Variants in BACH2 observed in about 807,000 individuals in gnomAD.
The protein encoded by BACH2 is transcription regulator protein BACH2.
BACH2 carries 5 observed loss-of-function variants against 61.8 expected under a neutral mutation model. That is an observed-to-expected ratio of 0.08 (90% CI 0.04 to 0.17). The LOEUF (loss-of-function observed/expected upper bound fraction) is 0.17, where lower values mean the gene tolerates loss of function less well. BACH2 is among the 10% of genes least tolerant of loss of function. The pLI is 1.00. For missense variants in BACH2, 824 were observed against 1,091.1 expected, an observed-to-expected ratio of 0.76 and a Z score of 3.45; for synonymous variants, 446 against 440.1, an observed-to-expected ratio of 1.01 and a Z score of -0.17.
chr6:89,970,866 C>T (rs1365777739), intron 6 of BACH2, among the ~76,000 whole-genome samples: 2 of 151,960 alleles, frequency 1.3e-5, no homozygotes, highest in African/African-American at 2.4e-5. Context: ...ATATCTGGGT[C>T]GCAGGGAAAG....
At chr6:89,987,992 A>G (rs1391802560) in intron 6 of BACH2, among the ~76,000 whole-genome samples, 2 of 152,206 alleles carry the variant, frequency 1.3e-5, no homozygotes, top group Non-Finnish European at 2.9e-5. Flanking sequence ...CAAGTCTCCT[A>G]TAAGTCTATG....
intron 1 of BACH2, among the ~76,000 whole-genome samples, chr6:90,275,637 G>C (rs1291653100): frequency 2.0e-5 from 3 of 148,944 alleles, no homozygotes; most frequent in Admixed American, 2.0e-4. Flanking sequence ...TTTTTTTTCT[G>C]CTCTTCCCCC....
chr6:90,037,933 C>T (rs1779342914), intron 5 of BACH2, among the ~76,000 whole-genome samples: 1 of 152,068 alleles, frequency 6.6e-6, no homozygotes, highest in African/African-American at 2.4e-5. Flanking sequence ...TGGCTACAAG[C>T]CAAGGAATGC....
At chr6:90,031,081 T>C (rs1375530419) in intron 5 of BACH2, among the ~76,000 whole-genome samples, 1 of 151,552 alleles carries the variant, frequency 6.6e-6, no homozygotes, top group Admixed American at 6.6e-5. Flanking sequence ...ATCCAACATA[T>C]AAACAGAACC....
chr6:90,237,245 T>C (rs2127862855), intron 3 of BACH2, among the ~76,000 whole-genome samples: 1 of 152,256 alleles, frequency 6.6e-6, no homozygotes. Flanking sequence ...TTTAGAAATC[T>C]GGGAGAGCTT....
At position 89,926,700 on chromosome 6, in the gene BACH2, C is replaced by G. The variant is rs1395454906; in HGVS notation, c.*5708G>C. The G allele has an allele frequency of 6.6e-6, 1 of 152,256 alleles. No individual in the cohort carries two copies. Among genetic ancestry groups the G allele is most frequent in the East Asian group, 1.9e-4 (1 of 5,330 alleles). 9.4% of individuals were successfully genotyped at this position (152,256 alleles called of 1,614,324 possible). A position where few individuals can be genotyped will look rare whatever the true frequency, so the allele number is the denominator to read the frequency against. ...TTAGTTCATAGCAATGCTTTTTTCC[C>G]CCAAAAGGTAAAAATTCTTAGTTAC... On this transcript the variant is annotated 3_prime_UTR_variant, in exon 9 of 9. Coordinates refer to ENST00000257749, the MANE Select transcript of BACH2 (RefSeq NM_021813.4).
At chr6:90,020,773 C>G (rs1778327949) in intron 5 of BACH2, among the ~76,000 whole-genome samples, 1 of 152,018 alleles carries the variant, frequency 6.6e-6, no homozygotes, top group Non-Finnish European at 1.5e-5. Context: ...TAATATTAAA[C>G]AACATTCCCC....
intron 4 of BACH2, among the ~76,000 whole-genome samples, chr6:90,108,715 T>C (rs1171349095): frequency 6.6e-6 from 1 of 152,222 alleles, no homozygotes; most frequent in Non-Finnish European, 1.5e-5. Context: ...ATCATTGCTC[T>C]AGACTTAAGA....
intron 3 of BACH2, among the ~76,000 whole-genome samples, chr6:90,249,930 G>A (rs886942931): frequency 1.3e-5 from 2 of 152,148 alleles, no homozygotes; most frequent in Non-Finnish European, 2.9e-5. Context: ...TATTTAATAG[G>A]TGGTAGGTTT....
chr6:90,108,988 A>G (rs967719166), intron 4 of BACH2, among the ~76,000 whole-genome samples: 13 of 151,774 alleles, frequency 8.6e-5, no homozygotes, highest in African/African-American at 3.1e-4. Flanking sequence ...TGGGACATCA[A>G]TTTCTCTCTC....
chr6:90,111,030 G>A (rs566672270), intron 4 of BACH2, among the ~76,000 whole-genome samples: 1 of 152,308 alleles, frequency 6.6e-6, no homozygotes, highest in South Asian at 2.1e-4. Flanking sequence ...AGAACTAGCA[G>A]TTTGGTACCA....
intron 5 of BACH2, among the ~76,000 whole-genome samples, chr6:90,054,718 C>T (rs563719623): frequency 2.0e-5 from 3 of 152,160 alleles, no homozygotes; most frequent in Admixed American, 6.5e-5. Flanking sequence ...CTGGGAGGCA[C>T]CCCCCAGTAG....
At chr6:89,988,263 T>A (rs931207830) in intron 6 of BACH2, among the ~76,000 whole-genome samples, 5 of 152,194 alleles carry the variant, frequency 3.3e-5, no homozygotes, top group Non-Finnish European at 7.4e-5. Context: ...TTTCATCACA[T>A]TTATACAGCA....
At chr6:90,250,735 C>T (rs1374278062) in intron 3 of BACH2, among the ~76,000 whole-genome samples, 1 of 151,982 alleles carries the variant, frequency 6.6e-6, no homozygotes, top group Non-Finnish European at 1.5e-5. Context: ...ATTTGTTACA[C>T]TACAATGTAA....
intron 4 of BACH2, among the ~76,000 whole-genome samples, chr6:90,111,987 G>A (rs1783192520): frequency 6.6e-6 from 1 of 152,216 alleles, no homozygotes; most frequent in African/African-American, 2.4e-5. Context: ...CACATGTAAG[G>A]TAAGGGAAAT....
chr6:90,140,052 C>T (rs1784412364), intron 4 of BACH2, among the ~76,000 whole-genome samples: 1 of 152,198 alleles, frequency 6.6e-6, no homozygotes, highest in Non-Finnish European at 1.5e-5. Flanking sequence ...TTCTAGGATA[C>T]AGTCCTCCTC....
At chr6:90,070,658 C>T (rs1781184040) in intron 5 of BACH2, among the ~76,000 whole-genome samples, 1 of 152,200 alleles carries the variant, frequency 6.6e-6, no homozygotes, top group Non-Finnish European at 1.5e-5. Flanking sequence ...CAATGACTCT[C>T]ATTCCAGTAG....
chr6:89,941,255 G>A (rs1380540982), intron 7 of BACH2, among the ~76,000 whole-genome samples: 2 of 152,178 alleles, frequency 1.3e-5, no homozygotes. Flanking sequence ...CGTGCACAAA[G>A]GCAAATGTAC....
chr6:89,978,270 G>A (rs552789693), intron 6 of BACH2, among the ~76,000 whole-genome samples: 26 of 152,162 alleles, frequency 1.7e-4, no homozygotes, highest in Admixed American at 1.4e-3. Flanking sequence ...ATTCCTCTGC[G>A]TCTGGAAAAC....
Sources: gnomAD v4.1 joint callset for allele counts (sites outside exome capture counted in the v4.1 genomes callset) on GRCh38, gnomAD v4.1.1 for gene constraint, MANE v1.5 for transcripts, NCBI Gene and HGNC (gene_info 2026-07-23, HGNC 2026-07-21) for gene names.